LINGO2: variants seen among roughly 807,000 people sequenced by gnomAD.
LINGO2 encodes the protein leucine rich repeat and Ig domain containing 2.
Under a neutral mutation model 30.6 loss-of-function variants are expected in LINGO2, and 14 were observed. The observed-to-expected ratio is 0.46, with a 90% CI of 0.30 to 0.72. The LOEUF (loss-of-function observed/expected upper bound fraction) is 0.72. Among genes scored for constraint, LINGO2 ranks in the 30% least tolerant of loss-of-function variants. The pLI is 0.07. For missense variants in LINGO2, 729 were observed against 751.7 expected, an observed-to-expected ratio of 0.97 and a Z score of 0.35; for synonymous variants, 317 against 288.5, an observed-to-expected ratio of 1.10 and a Z score of -1.00.
chr9:28,846,555 C>G, the LINGO2 span, among the ~76,000 whole-genome samples: 2 of 147,962 alleles, frequency 1.4e-5, no homozygotes, highest in Non-Finnish European at 1.5e-5. Flanking sequence ...CAGCTAAAGA[C>G]AAAGGGACAA....
the LINGO2 span, among the ~76,000 whole-genome samples, chr9:28,718,462 G>A: frequency 4.6e-5 from 7 of 151,898 alleles, no homozygotes; most frequent in South Asian, 8.3e-4. Flanking sequence ...AGACAATTTC[G>A]AAATTATACC....
At chr9:29,129,400 T>TA in the LINGO2 span, among the ~76,000 whole-genome samples, 1 of 152,146 alleles carries the variant, frequency 6.6e-6, no homozygotes, top group Non-Finnish European at 1.5e-5. Context: ...TTTAAAATCT[T>TA]AAAAATTACT....
chr9:28,219,212 G>A (rs542457349), intron 4 of LINGO2, among the ~76,000 whole-genome samples: 1 of 152,184 alleles, frequency 6.6e-6, no homozygotes, highest in South Asian at 2.1e-4. Context: ...ATGTCTTTTT[G>A]TGCCAGGCAG....
the LINGO2 span, among the ~76,000 whole-genome samples, chr9:29,075,114 C>G: frequency 2.6e-5 from 4 of 152,114 alleles, no homozygotes; most frequent in African/African-American, 9.7e-5. Flanking sequence ...TACTAGCATT[C>G]ATAATTGTGA....
chr9:28,988,502 T>A, the LINGO2 span, among the ~76,000 whole-genome samples: 2 of 151,820 alleles, frequency 1.3e-5, no homozygotes, highest in Admixed American at 6.6e-5. Flanking sequence ...CTATGTCTTT[T>A]ATTGGTGAAT....
At chr9:28,306,189 TTGAACA>T (rs1324744274) in intron 3 of LINGO2, among the ~76,000 whole-genome samples, 1 of 152,132 alleles carries the variant, frequency 6.6e-6, no homozygotes, top group East Asian at 1.9e-4. Context: ...TGAGCAATAC[TTGAACA>T]TGAACTAAGT....
chr9:28,683,374 A>G, the LINGO2 span, among the ~76,000 whole-genome samples: 1 of 152,118 alleles, frequency 6.6e-6, no homozygotes, highest in Non-Finnish European at 1.5e-5. Context: ...CATCTTTGAC[A>G]AAACCTGTCT....
At chr9:28,776,270 T>G in the LINGO2 span, among the ~76,000 whole-genome samples, 1 of 146,918 alleles carries the variant, frequency 6.8e-6, no homozygotes, top group Non-Finnish European at 1.5e-5. Context: ...CTATCACAAT[T>G]TTTTTCTCTC....
At chr9:28,222,225 T>C (rs765460791) in intron 4 of LINGO2, among the ~76,000 whole-genome samples, 8 of 152,160 alleles carry the variant, frequency 5.3e-5, no homozygotes, top group Non-Finnish European at 8.8e-5. Context: ...GTGATAAAAA[T>C]GTGGCAAATG....
At chr9:29,065,602 C>A in the LINGO2 span, among the ~76,000 whole-genome samples, 1 of 151,822 alleles carries the variant, frequency 6.6e-6, no homozygotes. Context: ...TATTTCTTAA[C>A]CTGCCCTATA....
chr9:28,655,320 T>C (rs753922334), intron 1 of LINGO2, among the ~76,000 whole-genome samples: 2 of 152,048 alleles, frequency 1.3e-5, no homozygotes, highest in Non-Finnish European at 2.9e-5. Flanking sequence ...GGAATAGGTG[T>C]CTTTACCCAA....
chr9:28,774,100 CT>C, the LINGO2 span, among the ~76,000 whole-genome samples: 1 of 150,940 alleles, frequency 6.6e-6, no homozygotes, highest in East Asian at 2.0e-4. Flanking sequence ...TAGCATCTCA[CT>C]TTTTGTAAAG....
intron 4 of LINGO2, among the ~76,000 whole-genome samples, chr9:28,178,288 A>G (rs1038029805): frequency 2.6e-5 from 4 of 152,168 alleles, no homozygotes; most frequent in Non-Finnish European, 5.9e-5. Context: ...TTATATTAAA[A>G]TGTCTGGGCT....
At chr9:28,141,769 A>G (rs1018929490) in intron 4 of LINGO2, among the ~76,000 whole-genome samples, 2 of 152,132 alleles carry the variant, frequency 1.3e-5, no homozygotes, top group African/African-American at 2.4e-5. Context: ...CAAAAAAATT[A>G]GCTGGGGTGA....
At chr9:27,970,504 G>C (rs750220568) in intron 5 of LINGO2, among the ~76,000 whole-genome samples, 69 of 108,918 alleles carry the variant, frequency 6.3e-4, no homozygotes, top group African/African-American at 9.5e-4. Context: ...CCTGCCTTTT[G>C]GGGGGCATTG....
intron 4 of LINGO2, among the ~76,000 whole-genome samples, chr9:28,164,404 C>T (rs542253650): frequency 1.3e-5 from 2 of 152,270 alleles, no homozygotes; most frequent in South Asian, 4.1e-4. Context: ...TTTATTTACT[C>T]ATTTACTTTT....
the LINGO2 span, among the ~76,000 whole-genome samples, chr9:29,103,552 A>G: frequency 1.3e-5 from 2 of 152,100 alleles, no homozygotes; most frequent in East Asian, 3.9e-4. Flanking sequence ...TTTAAAATGT[A>G]TATTTTTAAA....
intron 4 of LINGO2, among the ~76,000 whole-genome samples, chr9:28,272,020 C>T: frequency 6.6e-6 from 1 of 152,186 alleles, no homozygotes; most frequent in East Asian, 1.9e-4. Context: ...AGGGCTGATG[C>T]CAGCTTAAAA....
chr9:28,506,521 T>TATAA lies in LINGO2; in HGVS notation c.-364-30497_-364-30496insTTAT, dbSNP rs1564250911. Among the ~76,000 whole-genome samples, 21 of 131,234 alleles carry TATAA rather than the reference T, an allele frequency of 1.6e-4. 1 individual carries two copies. Among genetic ancestry groups the TATAA allele is most frequent in the African/African-American group, 4.7e-4 (17 of 36,110 alleles). 86.1% of individuals were successfully genotyped at this position (131,234 alleles called of 152,430 possible). A position where few individuals can be genotyped will look rare whatever the true frequency, so the allele number is the denominator to read the frequency against. On this transcript the variant is annotated intron_variant, in intron 1 of 5. Transcript: ENST00000379992. ...ACACACAGACATATATATATATATA[T>TATAA]AAACTGTTGGGGACTAAGTGCCCTC...
Sources: allele counts gnomAD v4.1 joint callset (sites outside exome capture counted in the v4.1 genomes callset), GRCh38; gene constraint gnomAD v4.1.1; transcripts MANE v1.5; gene names NCBI Gene and HGNC (gene_info 2026-07-23, HGNC 2026-07-21).